AFF1: variants seen among roughly 807,000 people sequenced by gnomAD.
The protein encoded by AFF1 is AF4/FMR2 family member 1.
AFF1 carries 48 observed loss-of-function variants against 121.7 expected under a neutral mutation model. The ratio of observed to expected loss-of-function variants is 0.39; its 90% CI spans 0.31 to 0.50. The LOEUF is 0.50. Ranked by LOEUF, AFF1 falls within the 20% of genes least tolerant of loss-of-function variation. AFF1 has a pLI of 0.76. For missense variants in AFF1, 1,523 were observed against 1,511.7 expected, an observed-to-expected ratio of 1.01 and a Z score of -0.12; for synonymous variants, 613 against 563.0, an observed-to-expected ratio of 1.09 and a Z score of -1.26.
intron 2 of AFF1, chr4:87,020,799 G>T: frequency 1.0e-6 from 1 of 985,284 alleles, no homozygotes; most frequent in Non-Finnish European, 1.2e-6. Context: ...TGTTTTTGAT[G>T]CACAGGTAGT....
chr4:86,979,257 C>T (rs1181296072), intron 2 of AFF1, among the ~76,000 whole-genome samples: 1 of 152,078 alleles, frequency 6.6e-6, no homozygotes, highest in Non-Finnish European at 1.5e-5. Flanking sequence ...GCCACGAAGC[C>T]CGGCTGAATT....
chr4:87,053,180 C>T (rs1209914801), intron 4 of AFF1, among the ~76,000 whole-genome samples: 1 of 152,160 alleles, frequency 6.6e-6, no homozygotes, highest in Non-Finnish European at 1.5e-5. Flanking sequence ...GGTCTTAATT[C>T]CTCCTCCAGA....
rs529579172 is a variant in AFF1 at position 87,043,281 on chromosome 4, A to G, written c.39-2885A>G. ...TAGCCAAGCAGACAAGCACATGCCC[A>G]TGGTAAGCTTTCCCCACCCGCTCAC... On this transcript the variant is annotated intron_variant, in intron 2 of 20. Coordinates refer to ENST00000395146, the MANE Select transcript of AFF1 (RefSeq NM_001166693.3). 2.6e-5 allele frequency among the ~76,000 whole-genome samples: 4 copies of G among 152,282 alleles called. No individual in the cohort carries two copies. The South Asian group carries it at 8.3e-4, about 32-fold the overall frequency.
rs374537040 is a variant in AFF1, at chr4:87,131,189, C to A, written c.3071C>A (p.Ser1024Tyr). Residue 1024 changes from serine (S) to tyrosine (Y), a missense_variant, in exon 17 of 21, where the codon TCT becomes TAT. This residue lies in a region of AFF1 where 241 missense variants were observed against 265.2 expected (regional missense o/e 0.91). Coordinates refer to ENST00000395146, the MANE Select transcript of AFF1 (RefSeq NM_001166693.3). The part of the protein sequence containing the change: ...SESQSSKSAY[S>Y]VYSETVDLIK... ...AGCCAGTCATCCAAGTCAGCTTACT[C>A]TGTCTACTCAGAAACTGTAGATCTC... 7.4e-6 allele frequency: 12 copies of A among 1,614,232 alleles called. No individual in the cohort carries two copies. The East Asian group carries it at 2.7e-4, about 36-fold the overall frequency.
intron 2 of AFF1, among the ~76,000 whole-genome samples, chr4:87,041,951 G>A (rs1730203812): frequency 6.6e-6 from 1 of 151,242 alleles, no homozygotes; most frequent in African/African-American, 2.4e-5. Context: ...GGAGGCAGAG[G>A]TTGCAGTGAG....
At chr4:87,080,119 G>C (rs1324653869) in intron 4 of AFF1, among the ~76,000 whole-genome samples, 1 of 152,142 alleles carries the variant, frequency 6.6e-6, no homozygotes, top group Non-Finnish European at 1.5e-5. Context: ...TGGGAGGTTG[G>C]TCTACATACA....
intron 16 of AFF1, 132 bp from the exon 17 acceptor site, chr4:87,130,947 GTTCA>G: frequency 1.7e-6 from 2 of 1,186,998 alleles, no homozygotes; most frequent in Non-Finnish European, 2.4e-6. Flanking sequence ...ATCATTTTTA[GTTCA>G]TTCATCCTCA....
intron 19 of AFF1, among the ~76,000 whole-genome samples, chr4:87,133,802 A>G (rs1026520531): frequency 1.3e-5 from 2 of 152,190 alleles, no homozygotes; most frequent in Non-Finnish European, 2.9e-5. Flanking sequence ...TTTAGTCCAC[A>G]TTGAGTCACA....
chr4:86,956,260 G>A (rs1721731324), intron 2 of AFF1, among the ~76,000 whole-genome samples: 1 of 152,174 alleles, frequency 6.6e-6, no homozygotes. Context: ...GTCATATGTA[G>A]TTTAAGATGA....
At chr4:87,114,280 C>T in intron 11 of AFF1, 87 bp from the exon 12 acceptor site, 2 of 1,200,654 alleles carry the variant, frequency 1.7e-6, no homozygotes, top group Non-Finnish European at 2.3e-6. Context: ...CTCTGCAGGA[C>T]AGTGTTGTAT....
intron 8 of AFF1, among the ~76,000 whole-genome samples, chr4:87,104,924 G>A (rs1297883694): frequency 1.3e-5 from 2 of 151,694 alleles, no homozygotes; most frequent in South Asian, 2.1e-4. Flanking sequence ...GTAGACAATC[G>A]AGTTTGTATT....
intron 2 of AFF1, among the ~76,000 whole-genome samples, chr4:86,977,548 C>T (rs901143466): frequency 1.3e-5 from 2 of 152,078 alleles, no homozygotes; most frequent in Non-Finnish European, 2.9e-5. Flanking sequence ...TGTGGATTCT[C>T]CAACCTCACC....
chr4:87,079,517 T>C (rs944231551), intron 4 of AFF1, among the ~76,000 whole-genome samples: 21 of 152,218 alleles, frequency 1.4e-4, no homozygotes, highest in Non-Finnish European at 2.8e-4. Context: ...ACGTAGCTCT[T>C]GAAAAAATGT....
chr4:87,010,032 C>CAAAT (rs1726577986), intron 2 of AFF1, among the ~76,000 whole-genome samples: 4 of 152,112 alleles, frequency 2.6e-5, no homozygotes, highest in Admixed American at 2.6e-4. Flanking sequence ...ATGGATTAGG[C>CAAAT]GGTGTATTCC....
rs1164012620 is a variant in AFF1 at position 86,951,084 on chromosome 4, T to A, written c.38+2513T>A. On this transcript the variant is annotated intron_variant, in intron 2 of 20. Transcript: ENST00000395146. ...TCTGAAAGAAATTATCTGCCAGTGT[T>A]TTTTACATAACAATCTTCTATCTTC... 3.9e-5 allele frequency among the ~76,000 whole-genome samples: 6 copies of A among 152,238 alleles called. No homozygotes were observed. The East Asian group carries it at 7.7e-4, about 20-fold the overall frequency.
chr4:87,131,234 A>G lies in AFF1; in HGVS notation c.3101+15A>G. The G allele has an allele frequency of 6.2e-7, 1 of 1,613,638 alleles. No homozygotes were observed. Among genetic ancestry groups the G allele is most frequent in the East Asian group, 2.2e-5 (1 of 44,880 alleles). ...GATCTCATTAAGTAAGTGCCGAGTC[A>G]TTGTGCTTTCCTCTTAAGTCCTTTT... On this transcript the variant is annotated intron_variant, in intron 17 of 20. Transcript: ENST00000395146.
At chr4:87,020,372 C>T (rs11936587) in intron 2 of AFF1, among the ~76,000 whole-genome samples, 5,899 of 152,222 alleles carry the variant, frequency 0.039, 194 homozygotes, top group African/African-American at 0.092. Context: ...TATCTTATTT[C>T]TGTATTCTTA....
chr4:87,088,834 A>G (rs1365502741), intron 5 of AFF1, among the ~76,000 whole-genome samples: 2 of 151,996 alleles, frequency 1.3e-5, no homozygotes, highest in African/African-American at 4.8e-5. Flanking sequence ...CTGGAGTGCA[A>G]TGGCACGATC....
chr4:87,099,716 G>A (rs1725229979), intron 8 of AFF1, among the ~76,000 whole-genome samples: 1 of 152,144 alleles, frequency 6.6e-6, no homozygotes, highest in Non-Finnish European at 1.5e-5. Context: ...GCCCCCACAT[G>A]CTGTGTGCTT....
Sources: gnomAD v4.1 joint callset for allele counts (sites outside exome capture counted in the v4.1 genomes callset) on GRCh38, gnomAD v4.1.1 for gene constraint, gnomAD v4.1.1 regional missense constraint, MANE v1.5 for transcripts, NCBI Gene and HGNC (gene_info 2026-07-23, HGNC 2026-07-21) for gene names.